ST3GAL3: variants seen among roughly 807,000 people sequenced by gnomAD.
ST3GAL3 encodes the protein CMP-N-acetylneuraminate-beta-1,4-galactoside alpha-2,3-sialyltransferase.
Under a neutral mutation model 50.1 loss-of-function variants are expected in ST3GAL3, and 21 were observed. That is an observed-to-expected ratio of 0.42 (90% CI 0.30 to 0.60). The LOEUF is 0.60. ST3GAL3 is among the 20% of genes least tolerant of loss of function. The pLI is 0.19. For missense variants in ST3GAL3, 353 were observed against 489.4 expected (o/e 0.72, Z 2.63); for synonymous variants, 183 against 190.0 (o/e 0.96, Z 0.30).
Position 43,793,455 on chromosome 1 carries a change from C to G in ST3GAL3, c.166+1306C>G, listed in dbSNP as rs1200110529. 5.9e-5 allele frequency among the ~76,000 whole-genome samples: 9 copies of G among 152,164 alleles called. No individual in the cohort carries two copies. The East Asian group carries it at 1.7e-3, about 29-fold the overall frequency. Reference sequence around the variant, plus strand: ...GACTATAATCACTCTGCTGTGCTATCAAATACTAGATCTCCTTACAACAGC... The same window carrying G: ...GACTATAATCACTCTGCTGTGCTATGAAATACTAGATCTCCTTACAACAGC... On this transcript the variant is annotated intron_variant, in intron 3 of 11. Transcript: ENST00000347631.
At chr1:43,875,301 C>T (rs1308116692) in intron 5 of ST3GAL3, among the ~76,000 whole-genome samples, 2 of 152,098 alleles carry the variant, frequency 1.3e-5, no homozygotes, top group Non-Finnish European at 2.9e-5. Flanking sequence ...GAGCTTGAGA[C>T]TGACATTAGA....
At chr1:43,829,696 T>C (rs572723608) in intron 4 of ST3GAL3, among the ~76,000 whole-genome samples, 48 of 152,292 alleles carry the variant, frequency 3.2e-4, no homozygotes, top group South Asian at 6.2e-4. Flanking sequence ...CCCTTCTCCT[T>C]TCTCTCTTTT....
intron 3 of ST3GAL3, among the ~76,000 whole-genome samples, chr1:43,806,239 A>G (rs539007384): frequency 2.0e-5 from 3 of 152,330 alleles, no homozygotes; most frequent in South Asian, 4.1e-4. Context: ...CATCTGTGAA[A>G]TTGAGCTTTA....
chr1:43,744,999 GAA>G (rs1351509047), intron 2 of ST3GAL3, among the ~76,000 whole-genome samples: 1 of 74,140 alleles, frequency 1.3e-5, no homozygotes, highest in Non-Finnish European at 4.4e-5. Flanking sequence ...TGAAAAAAAA[GAA>G]AAAAGAAAGA....
intron 4 of ST3GAL3, among the ~76,000 whole-genome samples, chr1:43,834,720 C>T (rs569517830): frequency 2.0e-5 from 3 of 152,310 alleles, no homozygotes; most frequent in African/African-American, 4.8e-5. Flanking sequence ...GATCTGAACC[C>T]GAGCCAGGCG....
intron 2 of ST3GAL3, among the ~76,000 whole-genome samples, chr1:43,746,765 T>G (rs958686680): frequency 1.9e-5 from 2 of 105,774 alleles, no homozygotes; most frequent in Non-Finnish European, 3.9e-5. Context: ...CCTGGCCTAG[T>G]TTTTGTTTTT....
At chr1:43,817,629 TCTCCTCCTCCTTCTCCTCCTC>T (rs2061505658) in intron 4 of ST3GAL3, among the ~76,000 whole-genome samples, 1 of 100,974 alleles carries the variant, frequency 9.9e-6, no homozygotes, top group Non-Finnish European at 2.0e-5. Context: ...CCTCCTCCCT[TCTCCTCCTCCTTCTCCTCCTC>T]CTCCTTCTCC....
intron 1 of ST3GAL3, among the ~76,000 whole-genome samples, chr1:43,715,952 G>A (rs1667167106): frequency 6.6e-6 from 1 of 152,200 alleles, no homozygotes; most frequent in African/African-American, 2.4e-5. Context: ...CTAAACTCAT[G>A]GACCCCCTAA....
intron 5 of ST3GAL3, among the ~76,000 whole-genome samples, chr1:43,887,527 A>G (rs2076150614): frequency 6.6e-6 from 1 of 152,236 alleles, no homozygotes; most frequent in South Asian, 2.1e-4. Context: ...AAAGTGATGA[A>G]GAGTTTCAGA....
At chr1:43,790,980 CACTGTACAGTATTT>C (rs1358752817) in intron 2 of ST3GAL3, among the ~76,000 whole-genome samples, 1 of 152,156 alleles carries the variant, frequency 6.6e-6, no homozygotes, top group Non-Finnish European at 1.5e-5. Context: ...TCTCTCTGAT[CACTGTACAGTATTT>C]GCTTTTATGT....
chr1:43,823,563 C>T (rs1485697166), intron 4 of ST3GAL3, among the ~76,000 whole-genome samples: 1 of 152,176 alleles, frequency 6.6e-6, no homozygotes, highest in African/African-American at 2.4e-5. Context: ...AGCCCCATCC[C>T]CTATTGGCGT....
At chr1:43,751,542 A>G (rs1041945425) in intron 2 of ST3GAL3, among the ~76,000 whole-genome samples, 1 of 152,256 alleles carries the variant, frequency 6.6e-6, no homozygotes, top group Non-Finnish European at 1.5e-5. Flanking sequence ...GTAGATCTTC[A>G]TATACTCCTA....
intron 2 of ST3GAL3, among the ~76,000 whole-genome samples, chr1:43,750,575 C>T (rs561064625): frequency 1.3e-5 from 2 of 152,070 alleles, no homozygotes; most frequent in South Asian, 2.1e-4. Context: ...CGCTTGATAC[C>T]AAACCATAAA....
chr1:43,779,756 A>T (rs1030912610), intron 2 of ST3GAL3, among the ~76,000 whole-genome samples: 4 of 152,208 alleles, frequency 2.6e-5, no homozygotes, highest in Non-Finnish European at 5.9e-5. Context: ...AGATACCATG[A>T]TTACTGGTTT....
chr1:43,797,900 G>A (rs1454120354), intron 3 of ST3GAL3, among the ~76,000 whole-genome samples: 1 of 152,128 alleles, frequency 6.6e-6, no homozygotes, highest in Non-Finnish European at 1.5e-5. Context: ...CAGGATACGA[G>A]GTCAAAACAC....
intron 5 of ST3GAL3, among the ~76,000 whole-genome samples, chr1:43,892,368 C>T (rs1374390513): frequency 6.6e-6 from 1 of 152,246 alleles, no homozygotes; most frequent in African/African-American, 2.4e-5. Flanking sequence ...AGTGATCCTC[C>T]CACCTCAGCC....
At chr1:43,812,454 G>A (rs1376242936) in intron 3 of ST3GAL3, among the ~76,000 whole-genome samples, 1 of 152,154 alleles carries the variant, frequency 6.6e-6, no homozygotes, top group Non-Finnish European at 1.5e-5. Context: ...TGGTACTCAT[G>A]TCTCTTTTCT....
At chr1:43,710,596 T>A (rs1664222439) in intron 1 of ST3GAL3, among the ~76,000 whole-genome samples, 1 of 152,240 alleles carries the variant, frequency 6.6e-6, no homozygotes, top group African/African-American at 2.4e-5. Flanking sequence ...GCATGGGCAA[T>A]ATGGGCAAAC....
At chr1:43,890,488 G>A (rs2076548144) in intron 5 of ST3GAL3, among the ~76,000 whole-genome samples, 1 of 152,208 alleles carries the variant, frequency 6.6e-6, no homozygotes, top group Admixed American at 6.5e-5. Context: ...AAGTGTTAGA[G>A]GAGAGCTGGC....
Sources: gnomAD v4.1 joint callset for allele counts (sites outside exome capture counted in the v4.1 genomes callset) on GRCh38, gnomAD v4.1.1 for gene constraint, MANE v1.5 for transcripts, NCBI Gene and HGNC (gene_info 2026-07-23, HGNC 2026-07-21) for gene names.